Variants in LINGO2 observed in about 807,000 individuals in gnomAD.
LINGO2 encodes the protein leucine rich repeat and Ig domain containing 2.
Under a neutral mutation model 30.6 loss-of-function variants are expected in LINGO2, and 14 were observed. The observed-to-expected ratio is 0.46, with a 90% CI of 0.30 to 0.72. The LOEUF is 0.72. Among genes scored for constraint, LINGO2 ranks in the 30% least tolerant of loss-of-function variants. LINGO2 has a pLI of 0.07. For missense variants in LINGO2, 729 were observed against 751.7 expected (o/e 0.97, Z 0.35); for synonymous variants, 317 against 288.5 (o/e 1.10, Z -1.00).
At chr9:28,697,736 T>G in the LINGO2 span, among the ~76,000 whole-genome samples, 1 of 152,024 alleles carries the variant, frequency 6.6e-6, no homozygotes, top group East Asian at 1.9e-4. Context: ...CTATGCTTTT[T>G]GTTAAATGGA....
intron 4 of LINGO2, among the ~76,000 whole-genome samples, chr9:28,092,449 A>T (rs931060575): frequency 2.0e-5 from 3 of 151,834 alleles, no homozygotes; most frequent in African/African-American, 7.3e-5. Context: ...CGCAAGGACA[A>T]AAAACCAAAC....
the LINGO2 span, among the ~76,000 whole-genome samples, chr9:29,188,308 C>A: frequency 2.6e-5 from 4 of 151,802 alleles, no homozygotes; most frequent in Admixed American, 6.6e-5. Context: ...GGACACAGCA[C>A]ATGTTTCAGA....
upstream of LINGO2, among the ~76,000 whole-genome samples, chr9:28,673,999 A>C (rs1350823642): frequency 1.3e-5 from 2 of 152,064 alleles, no homozygotes; most frequent in Non-Finnish European, 2.9e-5. Context: ...ATGGTCAATA[A>C]AATCTAAAGT....
chr9:28,420,085 T>C (rs537348174), intron 2 of LINGO2, among the ~76,000 whole-genome samples: 1 of 152,258 alleles, frequency 6.6e-6, no homozygotes, highest in East Asian at 1.9e-4. Context: ...CATCTTTTTG[T>C]ATAGTTTCTT....
At chr9:28,631,632 G>A (rs1030679272) in intron 1 of LINGO2, among the ~76,000 whole-genome samples, 2 of 152,090 alleles carry the variant, frequency 1.3e-5, no homozygotes, top group African/African-American at 4.8e-5. Flanking sequence ...ACTTTAATAG[G>A]AAGAGAGAAC....
chr9:28,675,834 G>A, the LINGO2 span, among the ~76,000 whole-genome samples: 1 of 147,056 alleles, frequency 6.8e-6, no homozygotes, highest in Admixed American at 6.9e-5. Flanking sequence ...TCATGCCACT[G>A]CACTCCAGCC....
At chr9:28,545,535 A>G (rs2135479263) in intron 1 of LINGO2, among the ~76,000 whole-genome samples, 1 of 152,228 alleles carries the variant, frequency 6.6e-6, no homozygotes, top group African/African-American at 2.4e-5. Flanking sequence ...TACAATAAAC[A>G]GATGAACAAT....
the LINGO2 span, among the ~76,000 whole-genome samples, chr9:28,847,764 C>T: frequency 5.9e-4 from 21 of 35,726 alleles, 1 homozygote; most frequent in East Asian, 1.2e-3. Flanking sequence ...TATACACACA[C>T]ATATGTGTAT....
At chr9:27,957,511 C>G (rs955612910) in intron 5 of LINGO2, among the ~76,000 whole-genome samples, 1 of 152,136 alleles carries the variant, frequency 6.6e-6, no homozygotes, top group Non-Finnish European at 1.5e-5. Context: ...CCAGGATGAT[C>G]TCGATCTCCT....
chr9:28,874,452 G>T, the LINGO2 span, among the ~76,000 whole-genome samples: 1 of 151,960 alleles, frequency 6.6e-6, no homozygotes, highest in Non-Finnish European at 1.5e-5. Context: ...GTTTTTAAGT[G>T]TATTACATGT....
chr9:28,906,925 G>C, the LINGO2 span, among the ~76,000 whole-genome samples: 54 of 151,948 alleles, frequency 3.6e-4, no homozygotes, highest in African/African-American at 1.2e-3. Flanking sequence ...TGTCATATTT[G>C]TTTTCTTTTA....
chr9:28,238,541 A>G (rs1304502916), intron 4 of LINGO2, among the ~76,000 whole-genome samples: 1 of 152,168 alleles, frequency 6.6e-6, no homozygotes, highest in Non-Finnish European at 1.5e-5. Flanking sequence ...GTGCTCCTGA[A>G]TGACAGTGGG....
chr9:28,804,058 T>C, the LINGO2 span, among the ~76,000 whole-genome samples: 1,283 of 152,178 alleles, frequency 8.4e-3, 22 homozygotes, highest in African/African-American at 0.029. Context: ...CTTAGGAATA[T>C]AATTATAGTT....
intron 4 of LINGO2, among the ~76,000 whole-genome samples, chr9:28,192,749 T>C (rs1224440735): frequency 6.6e-6 from 1 of 152,174 alleles, no homozygotes; most frequent in East Asian, 1.9e-4. Context: ...GATTAATCAG[T>C]TTATCCGAGT....
Position 28,519,474 on chromosome 9 carries a change from CT to C in LINGO2, c.-364-43450del, listed in dbSNP as rs367632673. Among the ~76,000 whole-genome samples the C allele has an allele frequency of 3.2e-3, 487 of 152,238 alleles. 1 individual carries two copies. The highest frequency in any genetic ancestry group is 0.011 in the African/African-American group (445 of 41,546). The stretch of plus-strand genomic sequence containing the variant: ...TTTGGAAACGCTGAGCTATATATAG[CT>C]TTTAGATGTTAAAGCATATATAGAA... On this transcript the variant is annotated intron_variant, in intron 1 of 5. Transcript: ENST00000379992.
the LINGO2 span, among the ~76,000 whole-genome samples, chr9:28,701,502 C>T: frequency 1.5e-4 from 23 of 151,996 alleles, no homozygotes; most frequent in South Asian, 8.3e-4. Context: ...CTATTCTGTT[C>T]GATCGATCTG....
the LINGO2 span, among the ~76,000 whole-genome samples, chr9:29,013,514 A>G: frequency 1.3e-5 from 2 of 152,114 alleles, no homozygotes; most frequent in East Asian, 3.9e-4. Context: ...ACAATGGTGT[A>G]ATTCCATAGA....
the LINGO2 span, among the ~76,000 whole-genome samples, chr9:28,693,864 A>G: frequency 8.7e-3 from 1,318 of 152,090 alleles, 30 homozygotes; most frequent in East Asian, 0.083. Flanking sequence ...TTGCTTTCCC[A>G]TGTTGTTGGT....
intron 1 of LINGO2, among the ~76,000 whole-genome samples, chr9:28,478,737 ACTT>A (rs1490158988): frequency 6.6e-6 from 1 of 152,078 alleles, no homozygotes; most frequent in Non-Finnish European, 1.5e-5. Context: ...AACCATACAT[ACTT>A]CTTCTCTTAC....
Sources: allele counts gnomAD v4.1 joint callset (sites outside exome capture counted in the v4.1 genomes callset), GRCh38; gene constraint gnomAD v4.1.1; transcripts MANE v1.5; gene names NCBI Gene and HGNC (gene_info 2026-07-23, HGNC 2026-07-21).